HS2ST1: variants seen among roughly 807,000 people sequenced by gnomAD.
HS2ST1 encodes the protein 2-O-sulfotransferase.
A neutral mutation model predicts 42.9 loss-of-function variants in HS2ST1; 18 were observed. The observed-to-expected ratio is 0.42, with a 90% CI of 0.29 to 0.62. HS2ST1 has a LOEUF of 0.62. Ranked by LOEUF, HS2ST1 falls within the 20% of genes least tolerant of loss-of-function variation. HS2ST1 has a pLI of 0.21. For synonymous variants in HS2ST1, 146 were observed against 152.9 expected, an observed-to-expected ratio of 0.95 and a Z score of 0.33; for missense variants, 334 against 433.8, an observed-to-expected ratio of 0.77 and a Z score of 2.04.
chr1:87,004,717 C>T (rs1216325931), intron 1 of HS2ST1, among the ~76,000 whole-genome samples: 1 of 152,134 alleles, frequency 6.6e-6, no homozygotes, highest in Admixed American at 6.5e-5. Context: ...GAAATATTCA[C>T]AGTGCACTCA....
At chr1:87,046,716 T>A in intron 1 of HS2ST1, 1 of 997,074 alleles carries the variant, frequency 1.0e-6, no homozygotes, top group African/African-American at 4.2e-5. Flanking sequence ...GCATGTCGAT[T>A]TTATTTATTT....
At chr1:86,923,695 G>A (rs1053008725) in intron 1 of HS2ST1, among the ~76,000 whole-genome samples, 8 of 152,044 alleles carry the variant, frequency 5.3e-5, no homozygotes, top group East Asian at 1.9e-4. Context: ...TTCGCCTGGC[G>A]GGAATGCCTC....
At chr1:86,925,539 G>A (rs1660398221) in intron 1 of HS2ST1, among the ~76,000 whole-genome samples, 1 of 56,244 alleles carries the variant, frequency 1.8e-5, no homozygotes, top group Non-Finnish European at 3.4e-5. Context: ...GGAGGGGTAA[G>A]TCACATCTTA....
chr1:87,098,908 T>C (rs966589524), intron 5 of HS2ST1, among the ~76,000 whole-genome samples: 2 of 152,190 alleles, frequency 1.3e-5, no homozygotes, highest in Non-Finnish European at 2.9e-5. Flanking sequence ...GCCTCCCGAA[T>C]AGCTGGGACT....
intron 1 of HS2ST1, among the ~76,000 whole-genome samples, chr1:87,058,205 A>G (rs781674015): frequency 6.6e-6 from 1 of 151,608 alleles, no homozygotes; most frequent in African/African-American, 2.4e-5. Flanking sequence ...ACAGGTCCTC[A>G]TGCAACCTCT....
chr1:86,939,606 T>C (rs565574620), intron 1 of HS2ST1, among the ~76,000 whole-genome samples: 1 of 152,352 alleles, frequency 6.6e-6, no homozygotes, highest in Non-Finnish European at 1.5e-5. Context: ...TGCTGGTGCA[T>C]GTGTCCCACC....
intron 1 of HS2ST1, among the ~76,000 whole-genome samples, chr1:86,994,780 T>G (rs183008541): frequency 1.3e-5 from 2 of 152,162 alleles, no homozygotes; most frequent in African/African-American, 4.8e-5. Flanking sequence ...ACATTTTTGC[T>G]TAACACTCTT....
chr1:86,970,063 C>G (rs144239850), intron 1 of HS2ST1, among the ~76,000 whole-genome samples: 1 of 150,332 alleles, frequency 6.7e-6, no homozygotes, highest in African/African-American at 2.5e-5. Flanking sequence ...AGGCAGAGAT[C>G]GCGGTGAGTC....
chr1:87,052,032 C>T (rs1203669187), intron 1 of HS2ST1, among the ~76,000 whole-genome samples: 2 of 152,118 alleles, frequency 1.3e-5, no homozygotes, highest in Non-Finnish European at 2.9e-5. Flanking sequence ...GTGGGCTAAT[C>T]GCTTGAGCCT....
chr1:87,030,362 GT>G (rs1650198370), intron 1 of HS2ST1, among the ~76,000 whole-genome samples: 1 of 152,072 alleles, frequency 6.6e-6, no homozygotes, highest in African/African-American at 2.4e-5. Flanking sequence ...GTCAGGTGTG[GT>G]GGTGTGTGCT....
intron 1 of HS2ST1, among the ~76,000 whole-genome samples, chr1:87,056,484 G>T (rs1650973392): frequency 6.6e-6 from 1 of 152,154 alleles, no homozygotes; most frequent in Non-Finnish European, 1.5e-5. Context: ...TTGAAAGAAT[G>T]ATCAACACAC....
chr1:87,086,698 A>G, intron 3 of HS2ST1, among the ~76,000 whole-genome samples: 1 of 152,122 alleles, frequency 6.6e-6, no homozygotes, highest in Non-Finnish European at 1.5e-5. Flanking sequence ...TTGATTACAT[A>G]CATTTGTTTT....
In HS2ST1 at chr1:86,935,840, G is replaced by T. The variant is rs762289666; in HGVS notation, c.124+20680G>T. Among the ~76,000 whole-genome samples, 66 of 151,980 alleles carry T rather than the reference G, an allele frequency of 4.3e-4. 1 individual carries two copies. The highest frequency in any genetic ancestry group is 3.9e-4 in the Admixed American group (6 of 15,254). On this transcript the variant is annotated intron_variant, in intron 1 of 6. Transcript: ENST00000370550. Reference sequence around the variant, plus strand: ...TGCATTTTTAAAGCCTTTTTATTTTGAAATAATCTTTAATTCACATGAAAG... The same window carrying T: ...TGCATTTTTAAAGCCTTTTTATTTTTAAATAATCTTTAATTCACATGAAAG...
intron 1 of HS2ST1, among the ~76,000 whole-genome samples, chr1:87,068,079 G>T (rs1441841091): frequency 6.6e-6 from 1 of 152,112 alleles, no homozygotes; most frequent in Non-Finnish European, 1.5e-5. Flanking sequence ...GAAATTTAAG[G>T]TAGTTTTTTC....
chr1:87,048,459 C>T (rs1238748576), intron 1 of HS2ST1, among the ~76,000 whole-genome samples: 2 of 152,116 alleles, frequency 1.3e-5, no homozygotes, highest in Non-Finnish European at 2.9e-5. Flanking sequence ...GACATCCTTG[C>T]CTCATTCATG....
intron 1 of HS2ST1, among the ~76,000 whole-genome samples, chr1:87,063,995 C>G (rs1337598748): frequency 6.6e-6 from 1 of 152,148 alleles, no homozygotes. Context: ...GATGAAAGTC[C>G]TGACCCTGTA....
At chr1:86,970,018 G>A (rs1196909002) in intron 1 of HS2ST1, among the ~76,000 whole-genome samples, 3 of 151,832 alleles carry the variant, frequency 2.0e-5, no homozygotes, top group African/African-American at 7.3e-5. Context: ...CCAGCTACTC[G>A]GGGGGCTGAG....
At chr1:87,081,516 A>G (rs185386676) in intron 2 of HS2ST1, among the ~76,000 whole-genome samples, 1 of 152,216 alleles carries the variant, frequency 6.6e-6, no homozygotes, top group Non-Finnish European at 1.5e-5. Context: ...GCCTTCCAAA[A>G]TGTATGGGAT....
chr1:87,086,395 T>C (rs188909890), intron 3 of HS2ST1, among the ~76,000 whole-genome samples: 2 of 152,346 alleles, frequency 1.3e-5, no homozygotes, highest in East Asian at 3.9e-4. Flanking sequence ...AGACTCGTGT[T>C]GTTCAAGGGT....
Sources: allele counts gnomAD v4.1 joint callset (sites outside exome capture counted in the v4.1 genomes callset), GRCh38; gene constraint gnomAD v4.1.1; transcripts MANE v1.5; gene names NCBI Gene and HGNC (gene_info 2026-07-23, HGNC 2026-07-21).